Variants in SPRR2G observed in about 807,000 individuals in gnomAD.
SPRR2G encodes small proline-rich protein 2G.
SPRR2G carries 1 observed loss-of-function variant against 0.7 expected under a neutral mutation model. The observed-to-expected ratio is 1.49, with a 90% CI of 0.53 to 7.06. The LOEUF is 7.06. Among genes scored for constraint, SPRR2G ranks in the 30% most tolerant of loss-of-function variants. The probability of loss-of-function intolerance (pLI) is 0.14; values close to 1 mark genes in which losing one functional copy is unlikely to be tolerated. For missense variants in SPRR2G, 96 were observed against 88.5 expected (o/e 1.09, Z -0.34); for synonymous variants, 38 against 33.9 (o/e 1.12, Z -0.42).
At chr1:153,202,734 A>G in the SPRR2G span, among the ~76,000 whole-genome samples, 3,797 of 152,228 alleles carry the variant, frequency 0.025, 141 homozygotes, top group African/African-American at 0.084. Flanking sequence ...AGGCATAATC[A>G]TGTCACAATT....
At chr1:153,166,076 C>T in the SPRR2G span, among the ~76,000 whole-genome samples, 1 of 152,200 alleles carries the variant, frequency 6.6e-6, no homozygotes, top group African/African-American at 2.4e-5. Flanking sequence ...TTCTCTTTCC[C>T]ATAAGCCATC....
the SPRR2G span, among the ~76,000 whole-genome samples, chr1:153,192,705 T>G: frequency 1.4e-4 from 21 of 152,240 alleles, no homozygotes; most frequent in Non-Finnish European, 3.1e-4. Flanking sequence ...GGCCTAAATT[T>G]TTCTCAAGCT....
At chr1:153,195,427 C>T in the SPRR2G span, among the ~76,000 whole-genome samples, 3 of 152,194 alleles carry the variant, frequency 2.0e-5, no homozygotes, top group Admixed American at 6.5e-5. Context: ...TCTCCATTCT[C>T]TATTTTGACA....
chr1:153,169,814 C>T, the SPRR2G span, among the ~76,000 whole-genome samples: 814 of 152,298 alleles, frequency 5.3e-3, 11 homozygotes, highest in Middle Eastern at 0.02. Context: ...TATTCAGCCA[C>T]GCCATTCAGC....
chr1:153,169,040 G>A, the SPRR2G span, among the ~76,000 whole-genome samples: 1 of 152,014 alleles, frequency 6.6e-6, no homozygotes, highest in Admixed American at 6.6e-5. Context: ...TGGCCAAGGG[G>A]GCCCCAGAGA....
chr1:153,154,538 T>C (rs1202506985), upstream of SPRR2G, among the ~76,000 whole-genome samples: 2 of 152,154 alleles, frequency 1.3e-5, no homozygotes, highest in South Asian at 2.1e-4. Context: ...TTACTCGTTA[T>C]TGGTCTGTCC....
At chr1:153,166,589 G>A in the SPRR2G span, among the ~76,000 whole-genome samples, 2 of 152,060 alleles carry the variant, frequency 1.3e-5, no homozygotes, top group Admixed American at 6.5e-5. Context: ...GCAGAATTGG[G>A]CCTCTGGACA....
chr1:153,182,644 T>TG, the SPRR2G span, among the ~76,000 whole-genome samples: 1 of 152,086 alleles, frequency 6.6e-6, no homozygotes, highest in Non-Finnish European at 1.5e-5. Context: ...TTAGGGTGTT[T>TG]GGTCTTCAGT....
At chr1:153,183,413 A>G in the SPRR2G span, among the ~76,000 whole-genome samples, 3 of 151,842 alleles carry the variant, frequency 2.0e-5, no homozygotes, top group Admixed American at 2.0e-4. Context: ...TCGCCATTCT[A>G]CCTGGAGTGA....
At chr1:153,165,190 A>G in the SPRR2G span, among the ~76,000 whole-genome samples, 1 of 152,090 alleles carries the variant, frequency 6.6e-6, no homozygotes, top group Non-Finnish European at 1.5e-5. Flanking sequence ...GGATGGATGG[A>G]TGGATGGATG....
the SPRR2G span, among the ~76,000 whole-genome samples, chr1:153,160,980 C>G: frequency 6.6e-6 from 1 of 150,830 alleles, no homozygotes; most frequent in Non-Finnish European, 1.5e-5. Context: ...TCTCAGCAAA[C>G]TATCACAAGG....
chr1:153,158,985 C>T, the SPRR2G span, among the ~76,000 whole-genome samples: 4 of 152,200 alleles, frequency 2.6e-5, no homozygotes, highest in Non-Finnish European at 5.9e-5. Context: ...CAGTGGGGCC[C>T]TGGGCCTGGC....
the SPRR2G span, among the ~76,000 whole-genome samples, chr1:153,160,648 G>A: frequency 0.47 from 71,975 of 151,606 alleles, 17,989 homozygotes; most frequent in Non-Finnish European, 0.57. Context: ...TGGTGGGACT[G>A]TAAACTAGTT....
chr1:153,169,080 G>A, the SPRR2G span, among the ~76,000 whole-genome samples: 2 of 152,158 alleles, frequency 1.3e-5, no homozygotes, highest in Non-Finnish European at 2.9e-5. Flanking sequence ...TAGCATTACA[G>A]AATGAGAGGT....
the SPRR2G span, among the ~76,000 whole-genome samples, chr1:153,160,340 G>C: frequency 6.6e-6 from 1 of 152,068 alleles, no homozygotes; most frequent in South Asian, 2.1e-4. Context: ...TCCATATCTT[G>C]GGTATTGTGA....
chr1:153,165,569 T>C, the SPRR2G span, among the ~76,000 whole-genome samples: 1 of 152,322 alleles, frequency 6.6e-6, no homozygotes, highest in South Asian at 2.1e-4. Flanking sequence ...AGGATGAGGC[T>C]GGGATACAAA....
the SPRR2G span, among the ~76,000 whole-genome samples, chr1:153,199,616 A>G: frequency 6.6e-6 from 1 of 152,140 alleles, no homozygotes; most frequent in Non-Finnish European, 1.5e-5. Context: ...TAGAGAAGAT[A>G]CTCTTCTTTC....
chr1:153,164,975 T>C, the SPRR2G span, among the ~76,000 whole-genome samples: 1 of 152,160 alleles, frequency 6.6e-6, no homozygotes, highest in Admixed American at 6.5e-5. Context: ...TGCAAACTTT[T>C]GGGAAATTAT....
the SPRR2G span, among the ~76,000 whole-genome samples, chr1:153,169,433 G>A: frequency 1.3e-5 from 2 of 152,014 alleles, no homozygotes; most frequent in Non-Finnish European, 2.9e-5. Context: ...GGGCATGGTG[G>A]TGCACACCTG....
Sources: gnomAD v4.1 joint callset for allele counts (sites outside exome capture counted in the v4.1 genomes callset) on GRCh38, gnomAD v4.1.1 for gene constraint, MANE v1.5 for transcripts, NCBI Gene and HGNC (gene_info 2026-07-23, HGNC 2026-07-21) for gene names.